The following NCAPG variants were observed in gnomAD, a reference collection of about 807,000 sequenced individuals.
NCAPG encodes non-SMC condensin I complex subunit G, also known as condensin complex subunit 3.
Under a neutral mutation model 113.1 loss-of-function variants are expected in NCAPG, and 69 were observed. The ratio of observed to expected loss-of-function variants is 0.61; its 90% CI spans 0.50 to 0.75. The LOEUF (loss-of-function observed/expected upper bound fraction) is 0.75. NCAPG is among the 30% of genes least tolerant of loss of function. NCAPG has a pLI of 0.00. For missense variants in NCAPG, 1,058 were observed against 1,177.0 expected (o/e 0.90, Z 1.48); for synonymous variants, 370 against 415.8 (o/e 0.89, Z 1.34).
Position 17,843,387 on chromosome 4 carries a change from C to CTAGGGACAATTACGTAT in NCAPG, c.3011_3012insAGGGACAATTACGTATT (p.Asn1005GlyfsTer16). Reference sequence around the variant, plus strand: ...AACCGCAGCACTAGAAAAAAGTAAACTTAACCTTGCCCAATTTCTCAATGA... The same window carrying CTAGGGACAATTACGTAT: ...AACCGCAGCACTAGAAAAAAGTAAACTAGGGACAATTACGTATTTAACCTTGCCCAATTTCTCAATGA... On this transcript the variant is annotated frameshift_variant, in exon 21 of 21. Coordinates refer to ENST00000251496, the MANE Select transcript of NCAPG (RefSeq NM_022346.5). LOFTEE classifies it high-confidence loss of function. 6.2e-7 allele frequency: 1 copy of CTAGGGACAATTACGTAT among 1,611,888 alleles called. No individual in the cohort carries two copies. The highest frequency in any genetic ancestry group is 8.5e-7 in the Non-Finnish European group (1 of 1,178,258).
In NCAPG at chr4:17,813,156, T is replaced by C. The variant is rs1345394483; in HGVS notation, c.544+11T>C. 1 of 1,580,096 alleles carries C rather than the reference T, an allele frequency of 6.3e-7. No individual in the cohort carries two copies. The highest frequency in any genetic ancestry group is 1.4e-5 in the African/African-American group (1 of 73,080). On this transcript the variant is annotated intron_variant, in intron 3 of 20. Transcript: ENST00000251496. Reference sequence around the variant, plus strand: ...GCCCAGTGGTTAATGGTGTGTGTAGTTTCCTAAATCTTTTTTCAGATTTGT... The same window carrying C: ...GCCCAGTGGTTAATGGTGTGTGTAGCTTCCTAAATCTTTTTTCAGATTTGT...
intron 12 of NCAPG, among the ~76,000 whole-genome samples, chr4:17,829,655 T>G (rs1035698243): frequency 6.6e-6 from 1 of 152,242 alleles, no homozygotes; most frequent in Non-Finnish European, 1.5e-5. Flanking sequence ...TAGAGGAATA[T>G]AAAAGATGTT....
intron 20 of NCAPG, 148 bp from the exon 21 acceptor site, chr4:17,843,154 T>C (rs1327014781): frequency 2.5e-6 from 2 of 804,846 alleles, no homozygotes; most frequent in Non-Finnish European, 3.8e-6. Flanking sequence ...TTTTTGACAT[T>C]GAGATTTTAG....
At chr4:17,817,901 G>C (rs1183923919) in intron 6 of NCAPG, 38 bp from the exon 7 acceptor site, 1 of 1,545,918 alleles carries the variant, frequency 6.5e-7, no homozygotes, top group Non-Finnish European at 8.7e-7. Flanking sequence ...ATGATAAAAA[G>C]ATCATGCTTT....
At chr4:17,828,496 C>A (rs1439913535) in intron 12 of NCAPG, 108 bp downstream of exon 12, 4 of 551,258 alleles carry the variant, frequency 7.3e-6, no homozygotes, top group South Asian at 2.9e-5. Context: ...TCTTAAATAT[C>A]TGATAAGTAT....
intron 20 of NCAPG, 58 bp from the exon 21 acceptor site, chr4:17,843,244 T>TAA: frequency 1.3e-6 from 2 of 1,552,608 alleles, no homozygotes; most frequent in South Asian, 2.4e-5. Context: ...GTTTTATTTA[T>TAA]AAATAAACTG....
rs142767114 is a variant in NCAPG, at chr4:17,831,640, A to G, written c.1884+524A>G. 2.0e-3 allele frequency among the ~76,000 whole-genome samples: 298 copies of G among 152,294 alleles called. 2 individuals are homozygous for G. In the South Asian group the frequency reaches 0.024, roughly 12 times the overall value. ...AAGTACAAGAGCGAACCACGTGGTT[A>G]TTTGGGTTTCCAAGGAGAGGCAAGA... On this transcript the variant is annotated intron_variant, in intron 13 of 20. Coordinates refer to ENST00000251496, the MANE Select transcript of NCAPG (RefSeq NM_022346.5).
Position 17,843,445 on chromosome 4 carries a change from A to C in NCAPG, c.*20A>C. The C allele has an allele frequency of 6.2e-7, 1 of 1,608,366 alleles. No homozygotes were observed. Among genetic ancestry groups the C allele is most frequent in the Non-Finnish European group, 8.5e-7 (1 of 1,176,144 alleles). On this transcript the variant is annotated 3_prime_UTR_variant, in exon 21 of 21. Transcript: ENST00000251496. ...AGTTAGGAAAGACGATGGAGGTGGAATCCTTTAAGATTATGTCCAGTTATT... is the reference window on the plus strand; with the variant it reads ...AGTTAGGAAAGACGATGGAGGTGGACTCCTTTAAGATTATGTCCAGTTATT...
intron 12 of NCAPG, among the ~76,000 whole-genome samples, chr4:17,830,784 T>C (rs567954355): frequency 1.3e-5 from 2 of 152,188 alleles, no homozygotes; most frequent in Non-Finnish European, 2.9e-5. Flanking sequence ...TCTGTGAGCA[T>C]TGGGAAACCA....
intron 11 of NCAPG, among the ~76,000 whole-genome samples, chr4:17,826,923 A>G (rs910452601): frequency 6.6e-6 from 1 of 152,104 alleles, no homozygotes; most frequent in African/African-American, 2.4e-5. Flanking sequence ...TTTTCTTCCT[A>G]TAGGCCTATG....
At chr4:17,819,403 G>GT (rs1318471070) in intron 7 of NCAPG, among the ~76,000 whole-genome samples, 1 of 149,268 alleles carries the variant, frequency 6.7e-6, no homozygotes, top group Non-Finnish European at 1.5e-5. Flanking sequence ...CAACTTTATG[G>GT]TTTATTTTTT....
At position 17,844,315 on chromosome 4, in the gene NCAPG, C is replaced by T; in HGVS notation, c.*890C>T. ...GAAATTGGTCCTCTTTTCTGCAATA[C>T]CCAACGAAACACCTTTTCTCTTTAT... On this transcript the variant is annotated 3_prime_UTR_variant, in exon 21 of 21. Transcript: ENST00000251496. 1 of 152,230 alleles carries T rather than the reference C, an allele frequency of 6.6e-6. No homozygotes were observed. The highest frequency in any genetic ancestry group is 2.1e-4 in the South Asian group (1 of 4,816). The allele number at this position is 152,230 out of a possible 1,614,324, so 9.4% of individuals were successfully genotyped here.
At position 17,840,640 on chromosome 4, in the gene NCAPG, G is replaced by A. The variant is rs2109068552; in HGVS notation, c.2801G>A (p.Arg934Lys). 5 of 1,557,624 alleles carry A rather than the reference G, an allele frequency of 3.2e-6. No individual in the cohort carries two copies. The Admixed American group carries it at 5.8e-5, about 18-fold the overall frequency. Reference protein sequence around the residue: ...KNKEVYMTPLRGVKATQASKS... With the variant: ...KNKEVYMTPLKGVKATQASKS... ...AAAGAAGTATATATGACTCCACTCA[G>A]GGGTGTAAAAGCAACCCAAGCATCA... The change falls in exon 19 of 21, where the codon AGG (arginine) becomes AAG (lysine). Residue 934 changes from arginine (R) to lysine (K), a missense_variant. Physicochemically the swap from Arg to Lys is conservative, Grantham distance 26 (BLOSUM62 2). Coordinates refer to ENST00000251496, the MANE Select transcript of NCAPG (RefSeq NM_022346.5).
At chr4:17,826,701 A>G (rs1311739280) in intron 11 of NCAPG, among the ~76,000 whole-genome samples, 2 of 152,204 alleles carry the variant, frequency 1.3e-5, no homozygotes, top group Non-Finnish European at 2.9e-5. Flanking sequence ...TTAAAATGCA[A>G]CTACAACAGA....
rs1198263755 is a variant in NCAPG, at chr4:17,811,678, C to A, written c.111+490C>A. Among the ~76,000 whole-genome samples, 1 of 152,144 alleles carries A rather than the reference C, an allele frequency of 6.6e-6. No homozygotes were observed. The highest frequency in any genetic ancestry group is 1.5e-5 in the Non-Finnish European group (1 of 68,028). On this transcript the variant is annotated intron_variant, in intron 1 of 20. Transcript: ENST00000251496. The surrounding 1 kb of genome is among the most constrained non-coding windows in gnomAD (Gnocchi z 5.3). ...ACCAAATACCAAATTATTTTTAGGG[C>A]CTGGCCATTCTTATTTATGTACATA... is the stretch of plus-strand genomic sequence containing the variant.
In NCAPG at chr4:17,812,392, C is replaced by G; in HGVS notation, c.283C>G (p.Leu95Val). The G allele has an allele frequency of 6.2e-7, 1 of 1,613,572 alleles. No individual in the cohort carries two copies. Among genetic ancestry groups the G allele is most frequent in the Non-Finnish European group, 8.5e-7 (1 of 1,179,730 alleles). The stretch of plus-strand genomic sequence containing the variant: ...TGATGAGGAAGAGGAAGATGGTGGC[C>G]TTTTAAATTATTTGTTTACTTTTCT... ...EDDEEEEDGG[L>V]LNYLFTFLLK... The change falls in exon 2 of 21, where the codon CTT (leucine) becomes GTT (valine). Residue 95 changes from leucine (L) to valine (V), a missense_variant. Physicochemically the swap from Leu to Val is conservative, Grantham distance 32. Coordinates refer to ENST00000251496, the MANE Select transcript of NCAPG (RefSeq NM_022346.5).
At position 17,843,441 on chromosome 4, in the gene NCAPG, T is replaced by C; in HGVS notation, c.*16T>C. 1 of 1,609,396 alleles carries C rather than the reference T, an allele frequency of 6.2e-7. No homozygotes were observed. On this transcript the variant is annotated 3_prime_UTR_variant, in exon 21 of 21. Transcript: ENST00000251496. ...TCTAAGTTAGGAAAGACGATGGAGG[T>C]GGAATCCTTTAAGATTATGTCCAGT... is the stretch of plus-strand genomic sequence containing the variant.
At position 17,839,713 on chromosome 4, in the gene NCAPG, G is replaced by T. The variant is rs780186954; in HGVS notation, c.2504G>T (p.Cys835Phe). 41 of 1,564,436 alleles carry T rather than the reference G, an allele frequency of 2.6e-5. No homozygotes were observed. In the East Asian group the frequency reaches 9.5e-4, roughly 36 times the overall value. ...TVHDNLAMKICNEILTSPCSP... is the reference protein window; with the variant it reads ...TVHDNLAMKIFNEILTSPCSP... ...CATGACAATTTGGCTATGAAAATTT[G>T]CAATGAGATCTTAACAAGTCCGTGC... The change falls in exon 17 of 21, where the codon TGC becomes TTC. Residue 835 changes from cysteine to phenylalanine, a missense_variant. Physicochemically the swap from Cys to Phe is radical, Grantham distance 205 (BLOSUM62 -2). Coordinates refer to ENST00000251496, the MANE Select transcript of NCAPG (RefSeq NM_022346.5).
At chr4:17,812,563 ATAT>A in intron 2 of NCAPG, 139 bp downstream of exon 2, 1 of 677,580 alleles carries the variant, frequency 1.5e-6, no homozygotes. Context: ...TTCATAGGAA[ATAT>A]TAGAATTATC....
Sources: gnomAD v4.1 joint callset for allele counts (sites outside exome capture counted in the v4.1 genomes callset) on GRCh38, gnomAD v4.1.1 for gene constraint, Gnocchi (gnomAD v3.1) non-coding constraint, MANE v1.5 for transcripts, NCBI Gene and HGNC (gene_info 2026-07-23, HGNC 2026-07-21) for gene names.